CFAP92: variants seen among roughly 807,000 people sequenced by gnomAD.
The protein encoded by CFAP92 is uncharacterized protein CFAP92.
CFAP92 carries 86 observed loss-of-function variants against 106.3 expected under a neutral mutation model. The observed-to-expected ratio is 0.81, with a 90% CI of 0.68 to 0.97. The LOEUF (loss-of-function observed/expected upper bound fraction) is 0.97, where lower values mean the gene tolerates loss of function less well. Ranked by LOEUF, CFAP92 falls within the 50% of genes least tolerant of loss-of-function variation. The pLI is 0.00. For missense variants in CFAP92, 1,204 were observed against 1,283.8 expected (o/e 0.94, Z 0.95); for synonymous variants, 477 against 506.4 (o/e 0.94, Z 0.78).
chr3:128,941,474 TTTTA>T (rs1412275745), intron 10 of CFAP92, among the ~76,000 whole-genome samples: 1 of 152,072 alleles, frequency 6.6e-6, no homozygotes, highest in Non-Finnish European at 1.5e-5. Flanking sequence ...CTCTGCAAAT[TTTTA>T]TTTATTTATT....
intron 4 of CFAP92, among the ~76,000 whole-genome samples, chr3:128,986,841 C>T (rs1472145914): frequency 6.6e-6 from 1 of 152,220 alleles, no homozygotes; most frequent in Non-Finnish European, 1.5e-5. Flanking sequence ...CCTCCTGGCT[C>T]TCTCCTTCAA....
At chr3:128,976,330 G>T (rs1041297514) in intron 6 of CFAP92, among the ~76,000 whole-genome samples, 2 of 152,034 alleles carry the variant, frequency 1.3e-5, no homozygotes, top group East Asian at 1.9e-4. Context: ...ACATAAGGGG[G>T]GTCTGAACTG....
chr3:128,938,696 G>A (rs576650264), intron 10 of CFAP92, among the ~76,000 whole-genome samples: 2 of 151,950 alleles, frequency 1.3e-5, no homozygotes, highest in South Asian at 4.2e-4. Flanking sequence ...GTTTCACTGT[G>A]TTAGCCAGGA....
rs576779239 is a variant in CFAP92, at chr3:128,993,638, G to A, written c.-32-302C>T. ...CTTCTGGAATGCCTGCCCCAGGTGA[G>A]CAGCTCCCGGGAGCCACCAGGCGGG... is the stretch of plus-strand genomic sequence containing the variant. On this transcript the variant is annotated intron_variant, in intron 1 of 15. Transcript: ENST00000645291. 5 of 369,358 alleles carry A rather than the reference G, an allele frequency of 1.4e-5. No individual in the cohort carries two copies. In the East Asian group the frequency reaches 2.4e-4, roughly 18 times the overall value. The allele number at this position is 369,358 out of a possible 1,614,324, so 22.9% of individuals were successfully genotyped here.
chr3:128,914,917 T>G, intron 15 of CFAP92: 1 of 582,874 alleles, frequency 1.7e-6, no homozygotes, highest in Non-Finnish European at 3.0e-6. Context: ...AATGTCACAC[T>G]TGGGGCTAGA....
chr3:128,943,920 G>C (rs200201832), intron 10 of CFAP92, among the ~76,000 whole-genome samples: 2 of 110,134 alleles, frequency 1.8e-5, no homozygotes, highest in Non-Finnish European at 1.8e-5. Context: ...TATTTCCCCC[G>C]TTTTTTTTTT....
the CFAP92 span, among the ~76,000 whole-genome samples, chr3:129,022,794 C>T: frequency 3.0e-4 from 46 of 152,326 alleles, 1 homozygote; most frequent in East Asian, 9.7e-4. Flanking sequence ...CAGACCATTT[C>T]CCCCATGGCT....
At chr3:128,925,403 C>T (rs1193624909) in intron 12 of CFAP92, among the ~76,000 whole-genome samples, 1 of 152,194 alleles carries the variant, frequency 6.6e-6, no homozygotes, top group Non-Finnish European at 1.5e-5. Flanking sequence ...TGTTGTGCCA[C>T]CCAGTTTCTA....
intron 10 of CFAP92, among the ~76,000 whole-genome samples, chr3:128,939,365 C>A (rs577652445): frequency 4.0e-4 from 61 of 152,264 alleles, no homozygotes; most frequent in African/African-American, 1.3e-3. Context: ...TCTCAAACTC[C>A]TGACCTTGGG....
chr3:129,009,044 C>G, the CFAP92 span, among the ~76,000 whole-genome samples: 5 of 152,088 alleles, frequency 3.3e-5, no homozygotes, highest in Non-Finnish European at 4.4e-5. Context: ...TGCAGTAATG[C>G]AAACAGCTTC....
chr3:128,989,918 C>T (rs1166885466), intron 2 of CFAP92, among the ~76,000 whole-genome samples: 5 of 152,160 alleles, frequency 3.3e-5, no homozygotes, highest in Non-Finnish European at 7.3e-5. Context: ...TTTCTGTAGA[C>T]AGAAAGGCAA....
At chr3:129,013,756 C>T in the CFAP92 span, among the ~76,000 whole-genome samples, 11,019 of 152,244 alleles carry the variant, frequency 0.072, 1,149 homozygotes, top group African/African-American at 0.22. Flanking sequence ...AAAACATTCC[C>T]GCCATTGGCC....
chr3:128,921,187 A>AC (rs1937251145), intron 12 of CFAP92, among the ~76,000 whole-genome samples: 5 of 152,172 alleles, frequency 3.3e-5, no homozygotes, highest in African/African-American at 1.2e-4. Context: ...GGGTCTGATC[A>AC]CCCCAACATT....
intron 11 of CFAP92, 41 bp from the exon 12 acceptor site, chr3:128,933,038 T>C (rs111802379): frequency 1.3e-6 from 2 of 1,520,792 alleles, no homozygotes; most frequent in African/African-American, 1.4e-5. Flanking sequence ...CTCTCCTACC[T>C]TGCAAGACAG....
chr3:128,991,696 C>G, intron 2 of CFAP92: 1 of 916,492 alleles, frequency 1.1e-6, no homozygotes, highest in Non-Finnish European at 1.3e-6. Flanking sequence ...CGGCCTGCAC[C>G]AAGGCGTTCA....
At chr3:128,936,984 G>A (rs879840335) in intron 10 of CFAP92, among the ~76,000 whole-genome samples, 1 of 152,034 alleles carries the variant, frequency 6.6e-6, no homozygotes, top group African/African-American at 2.4e-5. Context: ...CCATTCTGGG[G>A]TCATGAATAT....
At position 128,993,763 on chromosome 3, in the gene CFAP92, G is replaced by C. The variant is rs561119417; in HGVS notation, c.-33+217C>G. The C allele has an allele frequency of 2.3e-3, 694 of 302,078 alleles. 5 individuals carry two copies. The highest frequency in any genetic ancestry group is 9.2e-3 in the South Asian group (222 of 24,142). The allele number at this position is 302,078 out of a possible 1,614,324, so 18.7% of individuals were successfully genotyped here. A position where few individuals can be genotyped will look rare whatever the true frequency, so the allele number is the denominator to read the frequency against. ...CAGGCCGGGGGCAGCACGTGCAGGAGCCTGGCGAGGTCGGGGAGGGCAAGC... is the reference window on the plus strand; with the variant it reads ...CAGGCCGGGGGCAGCACGTGCAGGACCCTGGCGAGGTCGGGGAGGGCAAGC... On this transcript the variant is annotated intron_variant, in intron 1 of 15. Coordinates refer to ENST00000645291, the MANE Select transcript of CFAP92 (RefSeq NM_001394090.1).
rs1276704628 is a variant in CFAP92 at position 128,978,096 on chromosome 3, G to C, written c.757C>G (p.His253Asp). Residue 253 changes from histidine (H) to aspartate (D), a missense_variant, in exon 5 of 16, where the codon CAT becomes GAT. His to Asp is a moderately conservative substitution (Grantham distance 81, BLOSUM62 -1). Transcript: ENST00000645291. ...GTTTTTTCTTGTTTTCCTGGCGGAT[G>C]TTCCTGGTTCGACTCTTCTCTGACA... ...NIVREESNQE[H>D]PPGKQEKTEK... The C allele has an allele frequency of 6.2e-7, 1 of 1,613,998 alleles. No individual in the cohort carries two copies. Among genetic ancestry groups the C allele is most frequent in the East Asian group, 2.2e-5 (1 of 44,892 alleles).
At chr3:129,000,085 G>C (rs908668357) in intron 1 of CFAP92, among the ~76,000 whole-genome samples, 26 of 152,170 alleles carry the variant, frequency 1.7e-4, no homozygotes, top group Admixed American at 1.3e-4. Context: ...CGTTTGCTGA[G>C]TCCTAGCTGA....
Sources: gnomAD v4.1 joint callset for allele counts (sites outside exome capture counted in the v4.1 genomes callset) on GRCh38, gnomAD v4.1.1 for gene constraint, MANE v1.5 for transcripts, NCBI Gene and HGNC (gene_info 2026-07-23, HGNC 2026-07-21) for gene names.